CSMD1: variants seen among roughly 807,000 people sequenced by gnomAD.
CSMD1 encodes CUB and sushi domain-containing protein 1.
A neutral mutation model predicts 417.5 loss-of-function variants in CSMD1; 213 were observed. That is an observed-to-expected ratio of 0.51 (90% confidence interval 0.46 to 0.57). The LOEUF (loss-of-function observed/expected upper bound fraction) is 0.57, where lower values mean the gene tolerates loss of function less well. Ranked by LOEUF, CSMD1 falls within the 20% of genes least tolerant of loss-of-function variation. The pLI is 0.00. For synonymous variants in CSMD1, 2,862 were observed against 1,736.8 expected (o/e 1.65, Z -16.11); for missense variants, 6,923 against 4,529.7 (o/e 1.53, Z -15.17).
At chr8:3,824,101 A>G (rs1028889140) in intron 5 of CSMD1, among the ~76,000 whole-genome samples, 3 of 152,216 alleles carry the variant, frequency 2.0e-5, no homozygotes, top group Non-Finnish European at 4.4e-5. Context: ...CAGTGAAATT[A>G]GTCTCCTCAT....
At chr8:3,970,966 G>C (rs188841334) in intron 5 of CSMD1, among the ~76,000 whole-genome samples, 51 of 152,208 alleles carry the variant, frequency 3.4e-4, no homozygotes, top group African/African-American at 1.1e-3. Context: ...GGCCGGGCTG[G>C]TCTCGAAGTC....
intron 3 of CSMD1, among the ~76,000 whole-genome samples, chr8:4,312,674 T>G (rs1341310174): frequency 6.6e-6 from 1 of 151,672 alleles, no homozygotes; most frequent in African/African-American, 2.4e-5. Flanking sequence ...GTCAGGAGTT[T>G]GAGACCAGCC....
chr8:4,809,437 A>T (rs912195269), intron 1 of CSMD1, among the ~76,000 whole-genome samples: 1 of 152,188 alleles, frequency 6.6e-6, no homozygotes, highest in African/African-American at 2.4e-5. Context: ...CATTACCTGC[A>T]ATCTAAGAAT....
chr8:4,602,810 A>C (rs187971159), intron 2 of CSMD1, among the ~76,000 whole-genome samples: 82 of 152,210 alleles, frequency 5.4e-4, no homozygotes, highest in Non-Finnish European at 1.0e-3. Flanking sequence ...GATTTTTTAG[A>C]AAGGTAAGCT....
At chr8:3,316,110 C>A (rs759836519) in intron 23 of CSMD1, among the ~76,000 whole-genome samples, 1 of 152,106 alleles carries the variant, frequency 6.6e-6, no homozygotes, top group African/African-American at 2.4e-5. Flanking sequence ...GGATCAGGCA[C>A]CTACATGGAT....
At chr8:3,049,769 G>A (rs1392046615) in intron 50 of CSMD1, among the ~76,000 whole-genome samples, 1 of 152,074 alleles carries the variant, frequency 6.6e-6, no homozygotes, top group Non-Finnish European at 1.5e-5. Context: ...GCTGGGCTCT[G>A]GGTGATGATG....
intron 3 of CSMD1, among the ~76,000 whole-genome samples, chr8:4,321,549 C>T (rs1209650568): frequency 2.0e-5 from 3 of 152,054 alleles, no homozygotes; most frequent in African/African-American, 7.2e-5. Flanking sequence ...TCTGGTATAT[C>T]ACAGATATAA....
chr8:3,869,114 C>G lies in CSMD1; in HGVS notation c.819-115072G>C, dbSNP rs557787166. On this transcript the variant is annotated intron_variant, in intron 5 of 69. Transcript: ENST00000635120. ...GGTGTCTAGTGTCACTCTCCTTGTT[C>G]ACAAGCCAAGAGCTCCAGCTCCACC... Among the ~76,000 whole-genome samples the G allele has an allele frequency of 5.3e-5, 8 of 152,298 alleles. No individual in the cohort carries two copies. In the South Asian group the frequency reaches 1.2e-3, roughly 24 times the overall value.
chr8:3,078,807 A>G (rs1813877092), intron 49 of CSMD1, among the ~76,000 whole-genome samples: 1 of 152,162 alleles, frequency 6.6e-6, no homozygotes, highest in African/African-American at 2.4e-5. Context: ...TTGACATTCA[A>G]CAACATTCTG....
At chr8:4,744,431 A>G (rs1810819926) in intron 1 of CSMD1, among the ~76,000 whole-genome samples, 1 of 152,082 alleles carries the variant, frequency 6.6e-6, no homozygotes, top group Non-Finnish European at 1.5e-5. Context: ...CAGCTTCCCA[A>G]TCCTGGGTCT....
chr8:3,331,689 C>A lies in CSMD1; in HGVS notation c.3631+11605G>T, dbSNP rs926295847. Among the ~76,000 whole-genome samples, 3 of 152,316 alleles carry A rather than the reference C, an allele frequency of 2.0e-5. No homozygotes were observed. The East Asian group carries it at 5.8e-4, about 29-fold the overall frequency. ...CAATATTTCTCTTTTACCATGGCCC[C>A]CAAAGACACAGCTGGCGGTTTCTCT... is the stretch of plus-strand genomic sequence containing the variant. On this transcript the variant is annotated intron_variant, in intron 23 of 69. Coordinates refer to ENST00000635120, the MANE Select transcript of CSMD1 (RefSeq NM_033225.6).
chr8:4,279,216 A>G (rs1470490274), intron 3 of CSMD1, among the ~76,000 whole-genome samples: 1 of 152,138 alleles, frequency 6.6e-6, no homozygotes, highest in Admixed American at 6.5e-5. Flanking sequence ...TAACACACAC[A>G]CACAATTAAG....
chr8:4,312,801 G>A (rs1306022202), intron 3 of CSMD1, among the ~76,000 whole-genome samples: 1 of 152,136 alleles, frequency 6.6e-6, no homozygotes, highest in Non-Finnish European at 1.5e-5. Context: ...TTGAACCAGG[G>A]TGGTGGAGGT....
intron 2 of CSMD1, among the ~76,000 whole-genome samples, chr8:4,438,681 T>G (rs897911591): frequency 6.6e-6 from 1 of 152,236 alleles, no homozygotes; most frequent in African/African-American, 2.4e-5. Context: ...GAGCCACTTA[T>G]GCAAACTCTT....
At chr8:4,728,392 G>T (rs1298523239) in intron 1 of CSMD1, among the ~76,000 whole-genome samples, 1 of 151,932 alleles carries the variant, frequency 6.6e-6, no homozygotes, top group Non-Finnish European at 1.5e-5. Context: ...GTATTTAGGG[G>T]AGTTTAGTTT....
At chr8:4,487,953 G>A (rs371094013) in intron 2 of CSMD1, among the ~76,000 whole-genome samples, 79 of 152,216 alleles carry the variant, frequency 5.2e-4, no homozygotes, top group African/African-American at 1.7e-3. Context: ...GAATGTTTGC[G>A]TCCCTCCGAA....
intron 26 of CSMD1, among the ~76,000 whole-genome samples, chr8:3,235,088 T>C (rs548186814): frequency 1.3e-5 from 2 of 152,314 alleles, no homozygotes; most frequent in Admixed American, 6.5e-5. Context: ...ACAGTTTATA[T>C]AGGTTAAAAA....
At chr8:4,431,029 T>C (rs902927724) in intron 2 of CSMD1, among the ~76,000 whole-genome samples, 2 of 152,186 alleles carry the variant, frequency 1.3e-5, no homozygotes, top group African/African-American at 4.8e-5. Flanking sequence ...ATAAGACCTG[T>C]GCTTCTTCAG....
At chr8:4,540,495 G>A (rs1475830692) in intron 2 of CSMD1, among the ~76,000 whole-genome samples, 1 of 152,154 alleles carries the variant, frequency 6.6e-6, no homozygotes, top group East Asian at 1.9e-4. Context: ...CTTGAGCCCA[G>A]GAGTTCCAGA....
Sources: gnomAD v4.1 joint callset for allele counts (sites outside exome capture counted in the v4.1 genomes callset) on GRCh38, gnomAD v4.1.1 for gene constraint, MANE v1.5 for transcripts, NCBI Gene and HGNC (gene_info 2026-07-23, HGNC 2026-07-21) for gene names.